The following NOX4 variants were observed in gnomAD, a reference collection of about 807,000 sequenced individuals.
NOX4 encodes kidney oxidase-1.
A neutral mutation model predicts 87.6 loss-of-function variants in NOX4; 69 were observed. The ratio of observed to expected loss-of-function variants is 0.79; its 90% CI spans 0.65 to 0.96. The LOEUF is 0.96. NOX4 is among the 40% of genes least tolerant of loss of function. NOX4 has a pLI of 0.00. For missense variants in NOX4, 680 were observed against 681.5 expected (o/e 1.00, Z 0.02); for synonymous variants, 275 against 238.2 (o/e 1.15, Z -1.42).
intron 2 of NOX4, among the ~76,000 whole-genome samples, chr11:89,480,598 T>A (rs570380199): frequency 6.6e-6 from 1 of 152,094 alleles, no homozygotes; most frequent in African/African-American, 2.4e-5. Flanking sequence ...TATTATGGAA[T>A]AGACTTCATG....
At chr11:89,550,796 A>G in the NOX4 span, among the ~76,000 whole-genome samples, 1 of 152,074 alleles carries the variant, frequency 6.6e-6, no homozygotes. Flanking sequence ...CTTTAGTTTA[A>G]TTAGATCCCA....
chr11:89,486,396 C>A (rs1946598183), intron 2 of NOX4, among the ~76,000 whole-genome samples: 2 of 147,504 alleles, frequency 1.4e-5, no homozygotes, highest in African/African-American at 2.5e-5. Flanking sequence ...TGGGCTCAAG[C>A]AATCCTCCTG....
the NOX4 span, among the ~76,000 whole-genome samples, chr11:89,541,761 A>G: frequency 1.3e-5 from 2 of 152,202 alleles, no homozygotes; most frequent in Non-Finnish European, 2.9e-5. Context: ...AGAATAAGTA[A>G]ACGTCATTTG....
the NOX4 span, among the ~76,000 whole-genome samples, chr11:89,578,731 C>A: frequency 6.6e-6 from 1 of 152,050 alleles, no homozygotes; most frequent in Non-Finnish European, 1.5e-5. Flanking sequence ...AAAAAAGATG[C>A]AAACACATTA....
At chr11:89,387,173 T>C (rs1463139728) in intron 11 of NOX4, among the ~76,000 whole-genome samples, 10 of 152,108 alleles carry the variant, frequency 6.6e-5, no homozygotes, top group Non-Finnish European at 1.5e-4. Flanking sequence ...ATTTTTCTTA[T>C]TAATATAAGA....
At chr11:89,441,173 C>T (rs191975136) in intron 5 of NOX4, among the ~76,000 whole-genome samples, 7 of 152,162 alleles carry the variant, frequency 4.6e-5, no homozygotes, top group East Asian at 3.9e-4. Flanking sequence ...AAGCTCAGTA[C>T]GAAGAAGACT....
At chr11:89,506,863 A>G in the NOX4 span, among the ~76,000 whole-genome samples, 1 of 151,950 alleles carries the variant, frequency 6.6e-6, no homozygotes, top group Non-Finnish European at 1.5e-5. Context: ...TAAAACTACA[A>G]TGTGATAGCA....
intron 8 of NOX4, among the ~76,000 whole-genome samples, chr11:89,405,742 G>A (rs1253728360): frequency 2.5e-5 from 3 of 122,142 alleles, no homozygotes; most frequent in East Asian, 2.3e-4. Flanking sequence ...GCCACCTACT[G>A]GTTAAAAAAG....
chr11:89,371,019 A>G (rs1310935191), intron 12 of NOX4, among the ~76,000 whole-genome samples: 2 of 152,042 alleles, frequency 1.3e-5, no homozygotes, highest in African/African-American at 4.8e-5. Flanking sequence ...AACCTTTGAT[A>G]TTCAACCTCT....
intron 2 of NOX4, among the ~76,000 whole-genome samples, chr11:89,474,966 G>A (rs1946102313): frequency 6.9e-6 from 1 of 144,532 alleles, no homozygotes; most frequent in African/African-American, 2.4e-5. Context: ...TTTCATTGCA[G>A]TTTATAAGTC....
At chr11:89,491,103 A>C (rs1946833395) in intron 1 of NOX4, 87 bp downstream of exon 1, 1 of 1,318,548 alleles carries the variant, frequency 7.6e-7, no homozygotes, top group Admixed American at 1.9e-5. Context: ...TTCCACTTCC[A>C]GCTTCCCACC....
Position 89,421,888 on chromosome 11 carries a change from A to G in NOX4, c.629+14T>C, listed in dbSNP as rs766638556. The G allele has an allele frequency of 3.3e-6, 5 of 1,525,746 alleles. No individual in the cohort carries two copies. The highest frequency in any genetic ancestry group is 2.7e-6 in the Non-Finnish European group (3 of 1,129,728). 94.5% of individuals were successfully genotyped at this position (1,525,746 alleles called of 1,614,324 possible). On this transcript the variant is annotated intron_variant, in intron 8 of 17. Coordinates refer to ENST00000263317, the MANE Select transcript of NOX4 (RefSeq NM_016931.5). ...GGCACAAATGGTTTTAAATACATAC[A>G]TTTGTAAACTTACCCTGAAACATGC...
intron 4 of NOX4, 34 bp downstream of exon 4, chr11:89,449,406 T>TA (rs1944850157): frequency 6.8e-7 from 1 of 1,460,394 alleles, no homozygotes; most frequent in South Asian, 1.2e-5. Flanking sequence ...TGTGTAATTC[T>TA]AACAAATTAT....
chr11:89,491,350 C>A lies in NOX4; in HGVS notation c.-104G>T. 2 of 1,062,120 alleles carry A rather than the reference C, an allele frequency of 1.9e-6. No homozygotes were observed. Among genetic ancestry groups the A allele is most frequent in the Non-Finnish European group, 1.3e-6 (1 of 746,098 alleles). 65.8% of individuals were successfully genotyped at this position (1,062,120 alleles called of 1,614,324 possible). The stretch of plus-strand genomic sequence containing the variant: ...TTGTGCGGCCTGCCGGGCCGCTGAG[C>A]GAGGACCGAGGGTCAAAGACTGAGT... On this transcript the variant is annotated 5_prime_UTR_variant, in exon 1 of 18. Coordinates refer to ENST00000263317, the MANE Select transcript of NOX4 (RefSeq NM_016931.5).
rs1939233170 is a variant in NOX4 at position 89,368,995 on chromosome 11, G to T, written c.1135+4437C>A. On this transcript the variant is annotated intron_variant, in intron 12 of 17. Coordinates refer to ENST00000263317, the MANE Select transcript of NOX4 (RefSeq NM_016931.5). ...TTTATTATCTCTTAAACTTTTTTAA[G>T]ATATATATTTTTAAAATAACTCATT... Among the ~76,000 whole-genome samples the T allele has an allele frequency of 2.0e-5, 3 of 151,994 alleles. No homozygotes were observed. In the South Asian group the frequency reaches 6.3e-4, roughly 32 times the overall value.
the NOX4 span, among the ~76,000 whole-genome samples, chr11:89,527,698 A>T: frequency 1.3e-5 from 2 of 152,254 alleles, no homozygotes; most frequent in South Asian, 4.1e-4. Context: ...TCAAGAATTG[A>T]TGTTTGGGAA....
At chr11:89,453,965 C>A (rs1945077405) in intron 2 of NOX4, among the ~76,000 whole-genome samples, 1 of 152,108 alleles carries the variant, frequency 6.6e-6, no homozygotes, top group Admixed American at 6.6e-5. Flanking sequence ...CTAGATAAGA[C>A]TTCCCTCCTA....
At chr11:89,348,289 C>T (rs534402315) in intron 13 of NOX4, among the ~76,000 whole-genome samples, 1 of 151,974 alleles carries the variant, frequency 6.6e-6, no homozygotes, top group South Asian at 2.1e-4. Flanking sequence ...GTAGCACATG[C>T]CTGTAAGCCC....
At chr11:89,410,197 A>G (rs1308451849) in intron 8 of NOX4, among the ~76,000 whole-genome samples, 1 of 152,218 alleles carries the variant, frequency 6.6e-6, no homozygotes, top group Admixed American at 6.5e-5. Context: ...TTTAAAAGCT[A>G]ATTCCTTTGG....
Sources: allele counts gnomAD v4.1 joint callset (sites outside exome capture counted in the v4.1 genomes callset), GRCh38; gene constraint gnomAD v4.1.1; transcripts MANE v1.5; gene names NCBI Gene and HGNC (gene_info 2026-07-23, HGNC 2026-07-21).